Variants in KCNT1 observed in about 807,000 individuals in gnomAD.
KCNT1 encodes potassium channel subfamily T member 1.
KCNT1 carries 78 observed loss-of-function variants against 147.8 expected under a neutral mutation model. The ratio of observed to expected loss-of-function variants is 0.53; its 90% CI spans 0.44 to 0.64. KCNT1 has a LOEUF of 0.64. Ranked by LOEUF, KCNT1 falls within the 30% of genes least tolerant of loss-of-function variation. The pLI is 0.00. For missense variants in KCNT1, 1,419 were observed against 1,750.3 expected (o/e 0.81, Z 3.38); for synonymous variants, 867 against 748.8 (o/e 1.16, Z -2.58).
At chr9:135,741,173 A>G (rs1830550739) in intron 2 of KCNT1, among the ~76,000 whole-genome samples, 1 of 152,046 alleles carries the variant, frequency 6.6e-6, no homozygotes, top group Non-Finnish European at 1.5e-5. Flanking sequence ...CTTCCTCAAC[A>G]CTCAGACAAC....
Position 135,765,049 on chromosome 9 carries a change from C to G in KCNT1, c.1054C>G (p.Leu352Val). The change falls in exon 12 of 31, where the codon CTC becomes GTC. Residue 352 changes from leucine to valine, a missense_variant. Physicochemically the swap from Leu to Val is conservative, Grantham distance 32. Transcript: ENST00000371757. ...LPLQFEELVY[L>V]WMERQKSGGN... ...CCTGCAGTTCGAGGAGCTCGTCTAC[C>G]TCTGGATGGAGCGGCAGAAGTCAGG... 1.9e-6 allele frequency: 3 copies of G among 1,612,344 alleles called. No individual in the cohort carries two copies. The highest frequency in any genetic ancestry group is 2.5e-6 in the Non-Finnish European group (3 of 1,179,140).
In KCNT1 at chr9:135,771,077, A is replaced by G. The variant is rs950812891; in HGVS notation, c.1990A>G (p.Ser664Gly). The stretch of plus-strand genomic sequence containing the variant: ...GGGTCCGGCCCGCCTGCCCGTGCAC[A>G]GCATCATCGCCTCCATGGGTGAGCC... ...HEGPARLPVH[S>G]IIASMGTVAM... is the part of the protein sequence containing the mutation. The change falls in exon 18 of 31, where the codon AGC (serine) becomes GGC (glycine). Residue 664 changes from serine to glycine, a missense_variant. By Grantham distance (56) the Ser-to-Gly change is moderately conservative. Transcript: ENST00000371757. 1 of 1,611,582 alleles carries G rather than the reference A, an allele frequency of 6.2e-7. No homozygotes were observed. Among genetic ancestry groups the G allele is most frequent in the Non-Finnish European group, 8.5e-7 (1 of 1,179,088 alleles).
At chr9:135,708,954 A>G (rs1417502053) in intron 1 of KCNT1, among the ~76,000 whole-genome samples, 1 of 152,240 alleles carries the variant, frequency 6.6e-6, no homozygotes, top group East Asian at 1.9e-4. Flanking sequence ...CACCCGGGGC[A>G]GAAATAAGGG....
At chr9:135,787,082 G>T (rs1048973732) in intron 29 of KCNT1, among the ~76,000 whole-genome samples, 2 of 152,156 alleles carry the variant, frequency 1.3e-5, no homozygotes, top group Admixed American at 6.5e-5. Flanking sequence ...AGCAGCCAGG[G>T]TAGGGGGGAG....
At chr9:135,788,064 T>A (rs768848313) in intron 29 of KCNT1, 3 of 1,510,594 alleles carry the variant, frequency 2.0e-6, no homozygotes, top group Non-Finnish European at 2.8e-6. Context: ...TCTCTCTCTC[T>A]CTTTCTGTCT....
rs774588571 is a variant in KCNT1, at chr9:135,770,048, C to A, written c.1612C>A (p.Arg538Ser). The change falls in exon 16 of 31, where the codon CGC (arginine) becomes AGC (serine). Residue 538 changes from arginine to serine, a missense_variant. This residue lies in a region of KCNT1 where 401 missense variants were observed against 610.6 expected (regional missense o/e 0.66). Transcript: ENST00000371757. ...CATCACCCTGCTGGTGCACACGTCC[C>A]GCGGCCAGTGAGTGCCCCGTGCCCC... ...TLITLLVHTS[R>S]GQEGQESPEQ... The A allele has an allele frequency of 6.5e-7, 1 of 1,550,274 alleles. No individual in the cohort carries two copies. Among genetic ancestry groups the A allele is most frequent in the South Asian group, 1.2e-5 (1 of 84,072 alleles).
intron 1 of KCNT1, among the ~76,000 whole-genome samples, chr9:135,703,869 AC>A (rs1277290753): frequency 2.6e-4 from 40 of 152,232 alleles, no homozygotes; most frequent in Middle Eastern, 3.4e-3. Flanking sequence ...GGCCCTGCCC[AC>A]CGGCCCGGGA....
Position 135,791,901 on chromosome 9 carries a change from T to G in KCNT1, c.3587+20T>G, listed in dbSNP as rs374412920. 6.2e-7 allele frequency: 1 copy of G among 1,612,382 alleles called. No homozygotes were observed. Among genetic ancestry groups the G allele is most frequent in the Non-Finnish European group, 8.5e-7 (1 of 1,179,486 alleles). On this transcript the variant is annotated intron_variant, in intron 30 of 30. Transcript: ENST00000371757. ...CATTGTGTGAGTAGCACCTGTGGGC[T>G]GTGTGGAGACCCCCCCTGAGCACCA...
chr9:135,752,480 A>C lies in KCNT1; in HGVS notation c.434+1439A>C. The stretch of plus-strand genomic sequence containing the variant: ...TAGGTCACTCCCCACCCCAAGTCCC[A>C]GGGTCCCCTGGGGCTTCTGGTTTCA... On this transcript the variant is annotated intron_variant, in intron 4 of 30. Coordinates refer to ENST00000371757, the MANE Select transcript of KCNT1 (RefSeq NM_020822.3). This position sits in a 1 kb window ranked among gnomAD's most constrained non-coding sequence, Gnocchi z 5.1. 1 of 455,788 alleles carries C rather than the reference A, an allele frequency of 2.2e-6. No individual in the cohort carries two copies. The highest frequency in any genetic ancestry group is 4.4e-6 in the Non-Finnish European group (1 of 226,670). 28.2% of individuals were successfully genotyped at this position (455,788 alleles called of 1,614,324 possible).
chr9:135,769,852 C>A, intron 15 of KCNT1, 95 bp from the exon 16 acceptor site: 3 of 854,250 alleles, frequency 3.5e-6, no homozygotes, highest in South Asian at 1.6e-5. Flanking sequence ...GGCAAGGGTG[C>A]ATCTGCATAG....
chr9:135,768,240 C>CGGGGGGGGGGGGGGGGG (rs751932639), intron 13 of KCNT1, among the ~76,000 whole-genome samples: 1 of 5,084 alleles, frequency 2.0e-4, no homozygotes, highest in Admixed American at 2.5e-3. Context: ...AGGATGCCTG[C>CGGGGGGGGGGGGGGGGG]GGGGGGGGGG....
intron 25 of KCNT1, 43 bp from the exon 26 acceptor site, chr9:135,784,492 T>TCCCCCCCC (rs1564390613): frequency 2.2e-5 from 3 of 138,326 alleles, no homozygotes; most frequent in South Asian, 6.7e-5. Flanking sequence ...GCTCCCTCCC[T>TCCCCCCCC]CCCTCCCTCC....
chr9:135,759,281 G>C (rs1420808979), intron 10 of KCNT1, among the ~76,000 whole-genome samples: 1 of 152,200 alleles, frequency 6.6e-6, no homozygotes, highest in Non-Finnish European at 1.5e-5. Context: ...TGGGGGTAGA[G>C]GGCCAGACCC....
intron 18 of KCNT1, among the ~76,000 whole-genome samples, chr9:135,772,126 C>T (rs1284971944): frequency 6.6e-6 from 1 of 152,214 alleles, no homozygotes; most frequent in East Asian, 1.9e-4. Context: ...ACTGGGGAGG[C>T]AGGCTGCTGC....
intron 24 of KCNT1, among the ~76,000 whole-genome samples, chr9:135,783,182 CT>C (rs1833739073): frequency 6.6e-6 from 1 of 152,214 alleles, no homozygotes; most frequent in Non-Finnish European, 1.5e-5. Context: ...ACAGAAGGGC[CT>C]CTGCAGATGG....
At chr9:135,708,270 A>C (rs989992830) in intron 1 of KCNT1, among the ~76,000 whole-genome samples, 8 of 152,360 alleles carry the variant, frequency 5.3e-5, no homozygotes, top group Admixed American at 4.6e-4. Flanking sequence ...GCCCATGTAC[A>C]TGTATGCATA....
intron 2 of KCNT1, among the ~76,000 whole-genome samples, chr9:135,731,418 G>A (rs1172814374): frequency 1.3e-5 from 2 of 152,176 alleles, no homozygotes; most frequent in South Asian, 2.1e-4. Flanking sequence ...CATATTTTGT[G>A]TAATTCTCTA....
Position 135,791,896 on chromosome 9 carries a change from T to G in KCNT1, c.3587+15T>G, listed in dbSNP as rs753068339. On this transcript the variant is annotated intron_variant, in intron 30 of 30. Transcript: ENST00000371757. ...AGTGACATTGTGTGAGTAGCACCTG[T>G]GGGCTGTGTGGAGACCCCCCCTGAG... 1.2e-6 allele frequency: 2 copies of G among 1,612,706 alleles called. No homozygotes were observed. The highest frequency in any genetic ancestry group is 1.7e-6 in the Non-Finnish European group (2 of 1,179,628).
chr9:135,737,864 C>T (rs1588288134), intron 2 of KCNT1, among the ~76,000 whole-genome samples: 3 of 152,188 alleles, frequency 2.0e-5, no homozygotes, highest in Non-Finnish European at 4.4e-5. Context: ...GCAGAAGAGG[C>T]GGTTGAGGCT....
Sources: allele counts gnomAD v4.1 joint callset (sites outside exome capture counted in the v4.1 genomes callset), GRCh38; gene constraint gnomAD v4.1.1; regional missense constraint gnomAD v4.1.1; non-coding constraint Gnocchi (gnomAD v3.1); transcripts MANE v1.5; gene names NCBI Gene and HGNC (gene_info 2026-07-23, HGNC 2026-07-21).